Variants in LOXL1 observed in about 807,000 individuals in gnomAD.
The protein encoded by LOXL1 is lysyl oxidase homolog 1.
In LOXL1, 31 loss-of-function variants were observed where a neutral mutation model predicts 62.2. The observed-to-expected ratio is 0.50, with a 90% CI of 0.37 to 0.67. The LOEUF is 0.67. LOXL1 is among the 30% of genes least tolerant of loss of function. The pLI is 0.00. For missense variants in LOXL1, 775 were observed against 843.4 expected (o/e 0.92, Z 1.00); for synonymous variants, 403 against 384.4 (o/e 1.05, Z -0.56).
intron 6 of LOXL1, among the ~76,000 whole-genome samples, 186 bp from the exon 7 acceptor site, chr15:73,951,645 G>A (rs2068787945): frequency 6.6e-6 from 1 of 152,226 alleles, no homozygotes; most frequent in South Asian, 2.1e-4. Context: ...CTGGGTGGGT[G>A]GGAGTCCATC....
intron 1 of LOXL1, among the ~76,000 whole-genome samples, chr15:73,938,412 A>G (rs1483657381): frequency 6.6e-6 from 1 of 150,384 alleles, no homozygotes; most frequent in Non-Finnish European, 1.5e-5. Flanking sequence ...AACTAGATAG[A>G]CCTTAAAAGT....
chr15:73,948,005 C>G lies in LOXL1; in HGVS notation c.1602+103C>G, dbSNP rs538910316. ...AGCCTCTGGGCCTGTTCCCTTCTCCCCAGCTGCCGAGCAGAGGCAGCATCT... is the reference window on the plus strand; with the variant it reads ...AGCCTCTGGGCCTGTTCCCTTCTCCGCAGCTGCCGAGCAGAGGCAGCATCT... On this transcript the variant is annotated intron_variant, in intron 5 of 6. Coordinates refer to ENST00000261921, the MANE Select transcript of LOXL1 (RefSeq NM_005576.4). The G allele has an allele frequency of 1.9e-3, 1,488 of 800,012 alleles. 6 individuals carry two copies. Among genetic ancestry groups the G allele is most frequent in the South Asian group, 2.4e-3 (125 of 51,356 alleles). The allele number at this position is 800,012 out of a possible 1,614,324, so 49.6% of individuals were successfully genotyped here. A position where few individuals can be genotyped will look rare whatever the true frequency, so the allele number is the denominator to read the frequency against.
chr15:73,933,329 C>T (rs1305856870), intron 1 of LOXL1, among the ~76,000 whole-genome samples: 1 of 152,158 alleles, frequency 6.6e-6, no homozygotes, highest in Admixed American at 6.5e-5. Context: ...TGGGCCCTGG[C>T]CTCACTCTGT....
intron 2 of LOXL1, among the ~76,000 whole-genome samples, chr15:73,944,919 T>C (rs899042714): frequency 6.6e-6 from 1 of 152,210 alleles, no homozygotes; most frequent in African/African-American, 2.4e-5. Flanking sequence ...AAGAGAGCGC[T>C]AATCCCTACG....
chr15:73,948,221 A>G (rs1016034625), intron 5 of LOXL1, among the ~76,000 whole-genome samples: 30 of 152,194 alleles, frequency 2.0e-4, no homozygotes, highest in African/African-American at 7.0e-4. Flanking sequence ...CATGTGGTCT[A>G]TCTTCCTGTC....
intron 1 of LOXL1, chr15:73,941,895 G>T: frequency 4.8e-6 from 1 of 206,204 alleles, no homozygotes; most frequent in Non-Finnish European, 1.1e-5. Flanking sequence ...TCAGACTCCT[G>T]CATGCCCAGG....
chr15:73,928,102 A>G (rs2068604878), intron 1 of LOXL1: 1 of 417,538 alleles, frequency 2.4e-6, no homozygotes, highest in African/African-American at 2.1e-5. Context: ...CATCAGTGCC[A>G]GGGGTTGGCC....
At chr15:73,932,969 T>C (rs146844149) in intron 1 of LOXL1, among the ~76,000 whole-genome samples, 299 of 152,328 alleles carry the variant, frequency 2.0e-3, no homozygotes, top group African/African-American at 6.6e-3. Flanking sequence ...AACAAACAAG[T>C]GGAGTCCTAA....
chr15:73,951,694 C>G (rs907687086), intron 6 of LOXL1, 137 bp from the exon 7 acceptor site: 2 of 713,238 alleles, frequency 2.8e-6, no homozygotes, highest in Non-Finnish European at 4.1e-6. Flanking sequence ...GGGGTCGGAA[C>G]TTTCTCTTGA....
chr15:73,935,014 T>C (rs923781790), intron 1 of LOXL1, among the ~76,000 whole-genome samples: 26 of 151,580 alleles, frequency 1.7e-4, no homozygotes, highest in African/African-American at 6.1e-4. Context: ...TAGAACAGAG[T>C]AGAGTGGAAA....
chr15:73,927,407 G>T lies in LOXL1; in HGVS notation c.624G>T (p.Ala208=). The T allele has an allele frequency of 6.5e-7, 1 of 1,542,008 alleles. No individual in the cohort carries two copies. The change falls in exon 1 of 7, where the codon GCG becomes GCT. Residue 208 remains alanine, a synonymous_variant. Transcript: ENST00000261921. The stretch of plus-strand genomic sequence containing the variant: ...AGGGTTTCGTGTACTACCGGCCCGC[G>T]GGCGGCGGCGTGGGCGCGGGGGCGG... ...YDQGFVYYRP[A]GGGVGAGAAA...
At position 73,930,094 on chromosome 15, in the gene LOXL1, A is replaced by G. The variant is rs916960297; in HGVS notation, c.1102+2209A>G. On this transcript the variant is annotated intron_variant, in intron 1 of 6. Transcript: ENST00000261921. This position sits in a 1 kb window ranked among gnomAD's most constrained non-coding sequence, Gnocchi z 4.7. The stretch of plus-strand genomic sequence containing the variant: ...ATTTCTCCCCTGAAGGTAGCATCCT[A>G]GGTGCCAAGCTGAGTGTACTCACAT... Among the ~76,000 whole-genome samples the G allele has an allele frequency of 6.6e-6, 1 of 152,198 alleles. No homozygotes were observed. The highest frequency in any genetic ancestry group is 1.5e-5 in the Non-Finnish European group (1 of 68,034).
In LOXL1 at chr15:73,926,732, G is replaced by C. The variant is rs980576680; in HGVS notation, c.-52G>C. ...CCGTGGGAAGAGAAGCACGCCCAGG[G>C]GGCCACTCCTGAGAGCCTCTCTGTC... On this transcript the variant is annotated 5_prime_UTR_variant, in exon 1 of 7. Coordinates refer to ENST00000261921, the MANE Select transcript of LOXL1 (RefSeq NM_005576.4). 1.2e-5 allele frequency: 16 copies of C among 1,350,208 alleles called. No homozygotes were observed. The highest frequency in any genetic ancestry group is 1.5e-5 in the Non-Finnish European group (16 of 1,045,004). 83.6% of individuals were successfully genotyped at this position (1,350,208 alleles called of 1,614,324 possible). A position where few individuals can be genotyped will look rare whatever the true frequency, so the allele number is the denominator to read the frequency against.
At chr15:73,933,820 G>A (rs962852318) in intron 1 of LOXL1, among the ~76,000 whole-genome samples, 1 of 152,258 alleles carries the variant, frequency 6.6e-6, no homozygotes, top group African/African-American at 2.4e-5. Flanking sequence ...CTGCAGAAGA[G>A]CAGTCAGGGT....
intron 1 of LOXL1, among the ~76,000 whole-genome samples, chr15:73,936,096 G>T (rs2068670233): frequency 6.6e-6 from 1 of 152,080 alleles, no homozygotes; most frequent in Non-Finnish European, 1.5e-5. Flanking sequence ...AAGAGTTCTG[G>T]AAGGCTAGGT....
In LOXL1 at chr15:73,952,115, T is replaced by G; in HGVS notation, c.*278T>G. ...AGAGCTAGATTGCCCAGGTCTGGGCTGAATAAAACAAGGTTTTTCTACTCT... is the reference window on the plus strand; with the variant it reads ...AGAGCTAGATTGCCCAGGTCTGGGCGGAATAAAACAAGGTTTTTCTACTCT... On this transcript the variant is annotated 3_prime_UTR_variant, in exon 7 of 7. Transcript: ENST00000261921. 2.7e-6 allele frequency: 1 copy of G among 367,506 alleles called. No homozygotes were observed. Among genetic ancestry groups the G allele is most frequent in the Non-Finnish European group, 4.9e-6 (1 of 206,034 alleles). The allele number at this position is 367,506 out of a possible 1,614,324, so 22.8% of individuals were successfully genotyped here.
chr15:73,930,668 CAT>C lies in LOXL1; in HGVS notation c.1102+2784_1102+2785del, dbSNP rs945567307. 1.3e-5 allele frequency among the ~76,000 whole-genome samples: 2 copies of C among 152,174 alleles called. No homozygotes were observed. The highest frequency in any genetic ancestry group is 4.8e-5 in the African/African-American group (2 of 41,444). ...GGACGTGTCCTCACAACACCAAGCA[CAT>C]GTGAGCACCACCCACCTCCCTCCAT... On this transcript the variant is annotated intron_variant, in intron 1 of 6. Transcript: ENST00000261921. This position sits in a 1 kb window ranked among gnomAD's most constrained non-coding sequence, Gnocchi z 4.7.
At chr15:73,942,212 G>T (rs919367345) in intron 1 of LOXL1, among the ~76,000 whole-genome samples, 7 of 152,088 alleles carry the variant, frequency 4.6e-5, no homozygotes, top group African/African-American at 1.7e-4. Flanking sequence ...TGGGTGCCCA[G>T]GCTGAGAATC....
chr15:73,932,855 T>C (rs989721625), intron 1 of LOXL1, among the ~76,000 whole-genome samples: 5 of 152,206 alleles, frequency 3.3e-5, no homozygotes, highest in African/African-American at 1.2e-4. Flanking sequence ...AAAAAGAGTC[T>C]TCAGGCTTAG....
Sources: gnomAD v4.1 joint callset for allele counts (sites outside exome capture counted in the v4.1 genomes callset) on GRCh38, gnomAD v4.1.1 for gene constraint, Gnocchi (gnomAD v3.1) non-coding constraint, MANE v1.5 for transcripts, NCBI Gene and HGNC (gene_info 2026-07-23, HGNC 2026-07-21) for gene names.